The following SCD5 variants were observed in gnomAD, a reference collection of about 807,000 sequenced individuals.
SCD5 encodes stearoyl-CoA desaturase 5, also known as acyl-CoA-desaturase 4.
A neutral mutation model predicts 30.4 loss-of-function variants in SCD5; 20 were observed. That is an observed-to-expected ratio of 0.66 (90% CI 0.46 to 0.96). The LOEUF (loss-of-function observed/expected upper bound fraction) is 0.96, where lower values mean the gene tolerates loss of function less well. Among genes scored for constraint, SCD5 ranks in the 40% least tolerant of loss-of-function variants. The pLI, the probability that SCD5 is intolerant of heterozygous loss-of-function variation, is 0.00. For synonymous variants in SCD5, 173 were observed against 176.4 expected, an observed-to-expected ratio of 0.98 and a Z score of 0.16; for missense variants, 381 against 443.3, an observed-to-expected ratio of 0.86 and a Z score of 1.26.
chr4:82,747,069 G>GCCCCCCCCCCC lies in SCD5; in HGVS notation c.233-41657_233-41656insGGGGGGGGGGG, dbSNP rs151046123. The stretch of plus-strand genomic sequence containing the variant: ...AGTTAGAGAAAAGTCTGGGCAACCT[G>GCCCCCCCCCCC]CCCCCCAAGAAAGACGACCTTCCCA... On this transcript the variant is annotated intron_variant, in intron 1 of 4. Transcript: ENST00000319540. Among the ~76,000 whole-genome samples the GCCCCCCCCCCC allele has an allele frequency of 1.3e-3, 186 of 139,524 alleles. 6 individuals carry two copies. The highest frequency in any genetic ancestry group is 3.8e-3 in the Middle Eastern group (1 of 262). 91.5% of individuals were successfully genotyped at this position (139,524 alleles called of 152,430 possible).
Position 82,776,766 on chromosome 4 carries a change from T to C in SCD5, c.232+21540A>G, listed in dbSNP as rs112104227. ...TATGGAGAAAGGCTATGCCTTATTT[T>C]GTCTATGTAACAATGGTATGGTTTA... On this transcript the variant is annotated intron_variant, in intron 1 of 4. Transcript: ENST00000319540. Among the ~76,000 whole-genome samples the C allele has an allele frequency of 4.8e-3, 735 of 152,356 alleles. 3 individuals carry two copies. Among genetic ancestry groups the C allele is most frequent in the African/African-American group, 0.012 (516 of 41,582 alleles).
chr4:82,652,433 A>G (rs1014242552), intron 3 of SCD5, among the ~76,000 whole-genome samples: 4 of 152,348 alleles, frequency 2.6e-5, no homozygotes, highest in African/African-American at 7.2e-5. Flanking sequence ...ATTATTCCCT[A>G]TAAGTACTAT....
At chr4:82,701,485 AAGAC>A (rs1719839339) in intron 2 of SCD5, among the ~76,000 whole-genome samples, 1 of 152,150 alleles carries the variant, frequency 6.6e-6, no homozygotes, top group Non-Finnish European at 1.5e-5. Flanking sequence ...TACCAATTAA[AAGAC>A]AGACTGTCAG....
chr4:82,639,731 T>C (rs1727503093), intron 3 of SCD5, among the ~76,000 whole-genome samples: 1 of 152,228 alleles, frequency 6.6e-6, no homozygotes, highest in Non-Finnish European at 1.5e-5. Flanking sequence ...TTGGCTCTGC[T>C]ACTTCTTGTC....
At chr4:82,683,059 C>A (rs1728615407) in intron 2 of SCD5, among the ~76,000 whole-genome samples, 1 of 152,092 alleles carries the variant, frequency 6.6e-6, no homozygotes, top group Non-Finnish European at 1.5e-5. Flanking sequence ...CCACCTAATC[C>A]TTGGGTTTTG....
At chr4:82,687,083 A>C (rs1018434063) in intron 2 of SCD5, among the ~76,000 whole-genome samples, 9 of 151,832 alleles carry the variant, frequency 5.9e-5, no homozygotes, top group African/African-American at 2.2e-4. Context: ...AGGCAGGAGA[A>C]TCGCTTGAAC....
chr4:82,686,039 T>C lies in SCD5; in HGVS notation c.364-5127A>G, dbSNP rs1237787444. Among the ~76,000 whole-genome samples the C allele has an allele frequency of 2.0e-5, 3 of 151,912 alleles. No homozygotes were observed. In the East Asian group the frequency reaches 5.9e-4, roughly 30 times the overall value. On this transcript the variant is annotated intron_variant, in intron 2 of 4. Transcript: ENST00000319540. Reference sequence around the variant, plus strand: ...TTTTTTTTTTGAGACAGGGTCTCTCTCTGTCACCCAGGCTGGAGTGCAGTG... The same window carrying C: ...TTTTTTTTTTGAGACAGGGTCTCTCCCTGTCACCCAGGCTGGAGTGCAGTG...
intron 3 of SCD5, among the ~76,000 whole-genome samples, chr4:82,677,054 T>C (rs974939440): frequency 1.3e-5 from 2 of 152,234 alleles, no homozygotes; most frequent in African/African-American, 4.8e-5. Context: ...AAGTTGTTAT[T>C]AGAATGGCTC....
intron 2 of SCD5, among the ~76,000 whole-genome samples, chr4:82,688,525 C>A (rs563783954): frequency 7.9e-5 from 12 of 152,182 alleles, no homozygotes; most frequent in Admixed American, 7.2e-4. Context: ...GGGTGCTTTC[C>A]CCATTGTTGA....
In SCD5 at chr4:82,647,453, G is replaced by A. The variant is rs551590149; in HGVS notation, c.570-10630C>T. Among the ~76,000 whole-genome samples the A allele has an allele frequency of 5.2e-4, 79 of 152,312 alleles. 1 individual carries two copies. Among genetic ancestry groups the A allele is most frequent in the African/African-American group, 1.8e-3 (76 of 41,566 alleles). ...ACCGTCATGATCAATATCAGCTGAG[G>A]TAGCTGAATGGATTAGATGGGCTGA... On this transcript the variant is annotated intron_variant, in intron 3 of 4. Transcript: ENST00000319540.
intron 1 of SCD5, among the ~76,000 whole-genome samples, chr4:82,731,179 C>A (rs112899156): frequency 6.6e-6 from 1 of 152,186 alleles, no homozygotes; most frequent in Non-Finnish European, 1.5e-5. Flanking sequence ...GAGGATACAG[C>A]AGAACTCTCC....
intron 2 of SCD5, among the ~76,000 whole-genome samples, chr4:82,692,896 A>G (rs1719590135): frequency 6.6e-6 from 1 of 152,140 alleles, no homozygotes; most frequent in Admixed American, 6.5e-5. Context: ...GGCTTCCCTG[A>G]GGGAGAGGCT....
At chr4:82,708,592 AT>A in intron 1 of SCD5, among the ~76,000 whole-genome samples, 1 of 152,326 alleles carries the variant, frequency 6.6e-6, no homozygotes, top group Middle Eastern at 3.4e-3. Context: ...GCAGCCAGGG[AT>A]GGGAAGAGAC....
chr4:82,758,539 G>A (rs1211649292), intron 1 of SCD5, among the ~76,000 whole-genome samples: 2 of 152,028 alleles, frequency 1.3e-5, no homozygotes. Flanking sequence ...GAGAAACTGG[G>A]GAAGAAACTT....
At chr4:82,702,023 T>C (rs997526497) in intron 2 of SCD5, among the ~76,000 whole-genome samples, 4 of 151,394 alleles carry the variant, frequency 2.6e-5, no homozygotes, top group African/African-American at 7.3e-5. Context: ...GGAAGGAGGA[T>C]AGACCATAGA....
intron 1 of SCD5, among the ~76,000 whole-genome samples, chr4:82,753,793 G>A (rs1444536989): frequency 6.6e-6 from 1 of 152,054 alleles, no homozygotes; most frequent in Non-Finnish European, 1.5e-5. Flanking sequence ...ATACCCCCCT[G>A]ACAGAAGTCT....
At chr4:82,667,275 C>CAT (rs1728209640) in intron 3 of SCD5, among the ~76,000 whole-genome samples, 4 of 142,934 alleles carry the variant, frequency 2.8e-5, no homozygotes, top group Non-Finnish European at 6.0e-5. Context: ...TTTATACACA[C>CAT]ACACACACAC....
At chr4:82,786,160 A>G (rs1474502445) in intron 1 of SCD5, among the ~76,000 whole-genome samples, 1 of 152,204 alleles carries the variant, frequency 6.6e-6, no homozygotes, top group Admixed American at 6.5e-5. Context: ...CCTTTCAGTT[A>G]TGAAAGGGAG....
At chr4:82,674,714 A>C (rs1379109811) in intron 3 of SCD5, among the ~76,000 whole-genome samples, 1 of 152,210 alleles carries the variant, frequency 6.6e-6, no homozygotes, top group African/African-American at 2.4e-5. Context: ...CTGGGAAGCA[A>C]CCAAGATGTC....
Sources: gnomAD v4.1 joint callset for allele counts (sites outside exome capture counted in the v4.1 genomes callset) on GRCh38, gnomAD v4.1.1 for gene constraint, MANE v1.5 for transcripts, NCBI Gene and HGNC (gene_info 2026-07-23, HGNC 2026-07-21) for gene names.